DAB1: variants seen among roughly 807,000 people sequenced by gnomAD.
DAB1 encodes the protein DAB adaptor protein 1.
In DAB1, 15 loss-of-function variants were observed where a neutral mutation model predicts 64.6. The observed-to-expected ratio is 0.23, with a 90% CI of 0.16 to 0.36. The LOEUF (loss-of-function observed/expected upper bound fraction) is 0.36. Among genes scored for constraint, DAB1 ranks in the 10% least tolerant of loss-of-function variants. The pLI is 1.00. For synonymous variants in DAB1, 235 were observed against 251.9 expected (o/e 0.93, Z 0.64); for missense variants, 596 against 706.7 (o/e 0.84, Z 1.78).
intron 3 of DAB1, among the ~76,000 whole-genome samples, chr1:58,417,390 G>C: frequency 6.6e-6 from 1 of 152,200 alleles, no homozygotes; most frequent in South Asian, 2.1e-4. Context: ...ATGCTTTTCT[G>C]TCATCATGTC....
intron 7 of DAB1, among the ~76,000 whole-genome samples, chr1:57,596,055 T>C (rs961497203): frequency 1.3e-5 from 2 of 152,342 alleles, no homozygotes; most frequent in South Asian, 2.1e-4. Context: ...TTTTTTTCTA[T>C]GCAAGCCCTC....
intron 7 of DAB1, among the ~76,000 whole-genome samples, chr1:57,487,407 G>T (rs1053622905): frequency 1.8e-4 from 27 of 152,168 alleles, no homozygotes; most frequent in Admixed American, 1.6e-3. Context: ...GGGGGCCAGG[G>T]CAACCACTGT....
chr1:57,960,714 G>T (rs1292465440), intron 5 of DAB1, among the ~76,000 whole-genome samples: 1 of 152,192 alleles, frequency 6.6e-6, no homozygotes, highest in Non-Finnish European at 1.5e-5. Context: ...CTCTTTTTAG[G>T]GAGTCTAGTT....
At chr1:57,843,982 C>A (rs1191918214) in intron 1 of DAB1, among the ~76,000 whole-genome samples, 1 of 152,220 alleles carries the variant, frequency 6.6e-6, no homozygotes, top group Non-Finnish European at 1.5e-5. Context: ...AAATCTGTGC[C>A]TGATGTTCCA....
chr1:57,493,762 G>GCACACACACACACACACACACACACACA (rs1414667024), intron 7 of DAB1, among the ~76,000 whole-genome samples: 23 of 150,088 alleles, frequency 1.5e-4, no homozygotes, highest in African/African-American at 5.0e-4. Context: ...CGTATTCACA[G>GCACACACACACACACACACACACACACA]CTCACACACA....
intron 4 of DAB1, among the ~76,000 whole-genome samples, chr1:58,261,119 C>G (rs951775188): frequency 6.6e-6 from 1 of 152,084 alleles, no homozygotes; most frequent in African/African-American, 2.4e-5. Flanking sequence ...ATAACAGAAA[C>G]AATGTTTGGC....
intron 1 of DAB1, among the ~76,000 whole-genome samples, chr1:57,409,763 T>G (rs1384605832): frequency 2.6e-5 from 4 of 152,132 alleles, no homozygotes; most frequent in Non-Finnish European, 5.9e-5. Flanking sequence ...GAGCTGAGAT[T>G]GTGCCACTAC....
chr1:57,937,873 CAGG>C (rs2102046769), intron 5 of DAB1, among the ~76,000 whole-genome samples: 1 of 152,298 alleles, frequency 6.6e-6, no homozygotes, highest in African/African-American at 2.4e-5. Context: ...CCTTCTGTTT[CAGG>C]AGGAGGAGGA....
chr1:57,056,526 A>G (rs970919630), intron 9 of DAB1, among the ~76,000 whole-genome samples: 2 of 151,494 alleles, frequency 1.3e-5, no homozygotes, highest in Non-Finnish European at 1.5e-5. Flanking sequence ...AAAAAGAAAA[A>G]AAAGAAAAGA....
intron 6 of DAB1, among the ~76,000 whole-genome samples, chr1:57,791,642 C>T (rs1439995415): frequency 6.6e-6 from 1 of 152,144 alleles, no homozygotes; most frequent in Non-Finnish European, 1.5e-5. Flanking sequence ...AAGCACCTAT[C>T]ACAGTGCCCA....
chr1:57,441,244 CTT>C (rs1685930924), intron 7 of DAB1, among the ~76,000 whole-genome samples: 34 of 147,114 alleles, frequency 2.3e-4, no homozygotes, highest in Admixed American at 2.1e-3. Flanking sequence ...CAGGTACAAT[CTT>C]TTCTTTTCTT....
chr1:57,725,322 A>G (rs1647195662), intron 6 of DAB1, among the ~76,000 whole-genome samples: 1 of 152,220 alleles, frequency 6.6e-6, no homozygotes, highest in African/African-American at 2.4e-5. Context: ...CAAGACTCAC[A>G]GCATTCTCTC....
chr1:58,302,602 T>C (rs1263591488), intron 4 of DAB1, among the ~76,000 whole-genome samples: 7 of 151,752 alleles, frequency 4.6e-5, no homozygotes, highest in Admixed American at 4.0e-4. Context: ...TGTGTTCATG[T>C]ATGGACTCTG....
chr1:57,741,609 T>G (rs928611719), intron 6 of DAB1, among the ~76,000 whole-genome samples: 1 of 152,180 alleles, frequency 6.6e-6, no homozygotes, highest in Non-Finnish European at 1.5e-5. Context: ...CTCAGAGAAG[T>G]AGGTGAAGGG....
intron 2 of DAB1, among the ~76,000 whole-genome samples, chr1:57,146,546 C>CAGAA (rs773399842): frequency 0.14 from 21,260 of 152,114 alleles, 1,641 homozygotes; most frequent in South Asian, 0.19. Flanking sequence ...TAAGGCCTTT[C>CAGAA]TATATTGTGG....
chr1:57,901,938 T>TAAAA (rs2101996040), intron 5 of DAB1, among the ~76,000 whole-genome samples: 1 of 151,930 alleles, frequency 6.6e-6, no homozygotes, highest in African/African-American at 2.4e-5. Context: ...TTCTTTGTAT[T>TAAAA]AAAAACAAAC....
intron 6 of DAB1, among the ~76,000 whole-genome samples, chr1:57,747,041 T>G (rs1438075962): frequency 6.6e-6 from 1 of 152,218 alleles, no homozygotes; most frequent in Non-Finnish European, 1.5e-5. Context: ...TTTTCTATTT[T>G]GAAGTAGTAA....
At chr1:57,748,513 T>C (rs1648392844) in intron 6 of DAB1, among the ~76,000 whole-genome samples, 1 of 146,520 alleles carries the variant, frequency 6.8e-6, no homozygotes, top group Non-Finnish European at 1.5e-5. Flanking sequence ...ATAAATTCTC[T>C]ATTATGCTTA....
At chr1:57,744,740 C>T (rs1648180340) in intron 6 of DAB1, among the ~76,000 whole-genome samples, 1 of 152,162 alleles carries the variant, frequency 6.6e-6, no homozygotes, top group Non-Finnish European at 1.5e-5. Context: ...TAGCCATTCT[C>T]CACTGGCAGG....
Sources: gnomAD v4.1 joint callset for allele counts (sites outside exome capture counted in the v4.1 genomes callset) on GRCh38, gnomAD v4.1.1 for gene constraint, MANE v1.5 for transcripts, NCBI Gene and HGNC (gene_info 2026-07-23, HGNC 2026-07-21) for gene names.